The following RORA variants were observed in gnomAD, a reference collection of about 807,000 sequenced individuals.
RORA encodes RAR related orphan receptor A, also known as nuclear receptor ROR-alpha.
RORA carries 7 observed loss-of-function variants against 69.5 expected under a neutral mutation model. That is an observed-to-expected ratio of 0.10 (90% CI 0.06 to 0.19). The LOEUF is 0.19. RORA is among the 10% of genes least tolerant of loss of function. RORA has a pLI of 1.00. For synonymous variants in RORA, 261 were observed against 240.8 expected (o/e 1.08, Z -0.78); for missense variants, 457 against 663.0 (o/e 0.69, Z 3.41).
At chr15:61,205,873 G>A (rs2140931627) in intron 1 of RORA, among the ~76,000 whole-genome samples, 1 of 152,264 alleles carries the variant, frequency 6.6e-6, no homozygotes, top group East Asian at 1.9e-4. Context: ...TGCAGTCAGG[G>A]GAAGGGGATG....
At chr15:60,816,965 C>CATATATGTTTG in intron 1 of RORA, among the ~76,000 whole-genome samples, 1 of 151,908 alleles carries the variant, frequency 6.6e-6, no homozygotes, top group African/African-American at 2.4e-5. Flanking sequence ...GTTATGATTG[C>CATATATGTTTG]CATTTGCAAA....
chr15:60,840,338 C>T lies in RORA; in HGVS notation c.167-161652G>A, dbSNP rs376280556. On this transcript the variant is annotated intron_variant, in intron 1 of 10. Coordinates refer to ENST00000335670, the MANE Select transcript of RORA (RefSeq NM_134261.3). ...CTGCCCCAGAGGGCTCTGACACAGG[C>T]CTGGTGGAGATTGAGAGCTCAACAT... 3.4e-4 allele frequency among the ~76,000 whole-genome samples: 52 copies of T among 152,348 alleles called. 1 individual carries two copies. In the South Asian group the frequency reaches 9.7e-3, roughly 29 times the overall value.
chr15:61,018,640 A>G (rs1023123307), intron 1 of RORA, among the ~76,000 whole-genome samples: 4 of 152,164 alleles, frequency 2.6e-5, no homozygotes, highest in African/African-American at 9.7e-5. Flanking sequence ...ATGCATGTAT[A>G]TATTGTACTG....
chr15:61,183,676 C>A lies in RORA; in HGVS notation c.166+45377G>T, dbSNP rs74647121. ...AGCAGTTTGCACTAGTTCTTCTTAT[C>A]CTCATTTATTCTGATTTTTTGTGTA... On this transcript the variant is annotated intron_variant, in intron 1 of 10. Coordinates refer to ENST00000335670, the MANE Select transcript of RORA (RefSeq NM_134261.3). Among the ~76,000 whole-genome samples, 166 of 152,170 alleles carry A rather than the reference C, an allele frequency of 1.1e-3. 3 individuals are homozygous for A. In the East Asian group the frequency reaches 0.03, roughly 28 times the overall value.
chr15:60,567,169 G>A (rs2067736267), intron 2 of RORA, among the ~76,000 whole-genome samples: 1 of 150,640 alleles, frequency 6.6e-6, no homozygotes, highest in African/African-American at 2.4e-5. Flanking sequence ...TCACATTAAA[G>A]TTCAGATTTA....
At chr15:60,505,087 G>A (rs1442954546) in intron 6 of RORA, among the ~76,000 whole-genome samples, 3 of 152,076 alleles carry the variant, frequency 2.0e-5, no homozygotes, top group Non-Finnish European at 4.4e-5. Flanking sequence ...AATTTTTTTT[G>A]TATATACTCC....
chr15:60,965,952 C>G (rs1442095110), intron 1 of RORA, among the ~76,000 whole-genome samples: 1 of 152,098 alleles, frequency 6.6e-6, no homozygotes, highest in Non-Finnish European at 1.5e-5. Flanking sequence ...AGTATGGCAG[C>G]CATAACCAAG....
At position 60,999,105 on chromosome 15, in the gene RORA, C is replaced by T. The variant is rs568398048; in HGVS notation, c.166+229948G>A. Among the ~76,000 whole-genome samples, 33 of 152,304 alleles carry T rather than the reference C, an allele frequency of 2.2e-4. 1 individual carries two copies. In the South Asian group the frequency reaches 6.6e-3, roughly 31 times the overall value. ...GAAAATCATCAAGCATGGTGGTTAT[C>T]AAGCAGTTGTTGCTGATGTGTTCAA... On this transcript the variant is annotated intron_variant, in intron 1 of 10. Transcript: ENST00000335670.
At chr15:60,967,801 T>C (rs1893597776) in intron 1 of RORA, among the ~76,000 whole-genome samples, 1 of 152,226 alleles carries the variant, frequency 6.6e-6, no homozygotes, top group South Asian at 2.1e-4. Context: ...CCATCTGGTT[T>C]AATTAGAAAG....
chr15:60,664,306 G>A (rs2070350194), intron 2 of RORA, among the ~76,000 whole-genome samples: 1 of 152,142 alleles, frequency 6.6e-6, no homozygotes, highest in Non-Finnish European at 1.5e-5. Context: ...GATAGTAACA[G>A]TTTTTCCTTT....
chr15:61,209,572 C>T (rs2079972322), intron 1 of RORA, among the ~76,000 whole-genome samples: 1 of 152,184 alleles, frequency 6.6e-6, no homozygotes, highest in African/African-American at 2.4e-5. Context: ...AAGCGCTAAT[C>T]CTCAGTGTGA....
At chr15:60,985,792 C>T (rs12101962) in intron 1 of RORA, among the ~76,000 whole-genome samples, 33,489 of 151,804 alleles carry the variant, frequency 0.22, 3,914 homozygotes, top group African/African-American at 0.28. Flanking sequence ...ACCATGTTGG[C>T]CAGGCTGATC....
chr15:61,160,283 A>G (rs924501832), intron 1 of RORA, among the ~76,000 whole-genome samples: 3 of 152,194 alleles, frequency 2.0e-5, no homozygotes, highest in Non-Finnish European at 1.5e-5. Flanking sequence ...CCCTGTTTAT[A>G]GATACTAGCT....
At chr15:61,107,004 A>G (rs1198632157) in intron 1 of RORA, among the ~76,000 whole-genome samples, 1 of 152,126 alleles carries the variant, frequency 6.6e-6, no homozygotes, top group Non-Finnish European at 1.5e-5. Context: ...CTCTCCTCCT[A>G]CACACATCAT....
At chr15:60,651,274 C>T (rs2070139152) in intron 2 of RORA, among the ~76,000 whole-genome samples, 1 of 152,080 alleles carries the variant, frequency 6.6e-6, no homozygotes, top group African/African-American at 2.4e-5. Context: ...AGTTCATCTC[C>T]GAGAAGCAAG....
intron 1 of RORA, among the ~76,000 whole-genome samples, chr15:61,066,310 A>G (rs1056181567): frequency 1.3e-5 from 2 of 152,094 alleles, no homozygotes; most frequent in African/African-American, 4.8e-5. Context: ...AGAATGTTAC[A>G]TGTGTACTAT....
At chr15:60,571,030 C>CT (rs1567095512) in intron 2 of RORA, among the ~76,000 whole-genome samples, 3 of 151,384 alleles carry the variant, frequency 2.0e-5, no homozygotes, top group Non-Finnish European at 2.9e-5. Flanking sequence ...GATAAAAGTT[C>CT]TTTTTTTTTC....
Position 61,189,886 on chromosome 15 carries a change from C to T in RORA, c.166+39167G>A, listed in dbSNP as rs1331616237. On this transcript the variant is annotated intron_variant, in intron 1 of 10. Transcript: ENST00000335670. Reference sequence around the variant, plus strand: ...AAAAAAAAAAAAAAAAAAAAAACCACAGATATCCATCATTATTCCAGCATT... The same window carrying T: ...AAAAAAAAAAAAAAAAAAAAAACCATAGATATCCATCATTATTCCAGCATT... 2.6e-5 allele frequency among the ~76,000 whole-genome samples: 3 copies of T among 117,204 alleles called. No individual in the cohort carries two copies. In the South Asian group the frequency reaches 8.7e-4, roughly 34 times the overall value. 76.9% of individuals were successfully genotyped at this position (117,204 alleles called of 152,430 possible). A position where few individuals can be genotyped will look rare whatever the true frequency, so the allele number is the denominator to read the frequency against.
chr15:60,901,567 ATAACT>A (rs1019232785), intron 1 of RORA, among the ~76,000 whole-genome samples: 2 of 152,232 alleles, frequency 1.3e-5, no homozygotes, highest in African/African-American at 4.8e-5. Flanking sequence ...TTACACCCAA[ATAACT>A]TAACAAGTAT....
Sources: allele counts gnomAD v4.1 joint callset (sites outside exome capture counted in the v4.1 genomes callset), GRCh38; gene constraint gnomAD v4.1.1; transcripts MANE v1.5; gene names NCBI Gene and HGNC (gene_info 2026-07-23, HGNC 2026-07-21).